The following AFF2 variants were observed in gnomAD, a reference collection of about 807,000 sequenced individuals.
AFF2 encodes the protein ALF transcription elongation factor 2.
A neutral mutation model predicts 76.9 loss-of-function variants in AFF2; 14 were observed. The observed-to-expected ratio is 0.18, with a 90% confidence interval of 0.12 to 0.28. The LOEUF (loss-of-function observed/expected upper bound fraction) is 0.28, where lower values mean the gene tolerates loss of function less well. Among genes scored for constraint, AFF2 ranks in the 10% least tolerant of loss-of-function variants. The pLI, the probability that AFF2 is intolerant of heterozygous loss-of-function variation, is 1.00. For synonymous variants in AFF2, 398 were observed against 366.7 expected (o/e 1.09, Z -0.98); for missense variants, 868 against 1,001.1 (o/e 0.87, Z 1.79).
intron 3 of AFF2, among the ~76,000 whole-genome samples, chrX:148,689,150 C>T (rs1470596866): frequency 8.9e-6 from 1 of 111,793 alleles, no homozygotes; most frequent in Non-Finnish European, 1.9e-5. Context: ...AGGTTGCCAT[C>T]TTCTTTCTGT....
At chrX:148,736,736 T>G (rs2055289396) in intron 3 of AFF2, among the ~76,000 whole-genome samples, 1 of 112,321 alleles carries the variant, frequency 8.9e-6, no homozygotes, top group African/African-American at 3.2e-5. Flanking sequence ...TCTAGAATTT[T>G]TATAGTTTCA....
intron 3 of AFF2, among the ~76,000 whole-genome samples, chrX:148,698,085 G>A: frequency 8.9e-6 from 1 of 112,205 alleles, no homozygotes; most frequent in African/African-American, 3.2e-5. Flanking sequence ...TGTGTCTAGA[G>A]TACACATGTC....
chrX:148,835,538 G>T (rs901102427), intron 4 of AFF2, among the ~76,000 whole-genome samples: 2 of 96,876 alleles, frequency 2.1e-5, no homozygotes, highest in Non-Finnish European at 4.0e-5. Context: ...AGGATGGAGT[G>T]CAGTGGCACA....
At chrX:148,964,345 G>A (rs1557288436) in intron 13 of AFF2, among the ~76,000 whole-genome samples, 1 of 112,295 alleles carries the variant, frequency 8.9e-6, no homozygotes, top group African/African-American at 3.2e-5. Context: ...CTGGCTGTAG[G>A]CATAAGGTAG....
chrX:148,637,041 T>C (rs2054038959), intron 1 of AFF2, among the ~76,000 whole-genome samples: 1 of 111,896 alleles, frequency 8.9e-6, no homozygotes, highest in African/African-American at 3.3e-5. Flanking sequence ...CTGTTTGTGA[T>C]GTTCATTAAA....
intron 14 of AFF2, 49 bp downstream of exon 14, chrX:148,967,128 G>T (rs182174606): frequency 7.6e-6 from 9 of 1,190,082 alleles, no homozygotes; most frequent in Admixed American, 2.2e-5. Context: ...TGAATGGGGG[G>T]TGGGGGTAGC....
At chrX:148,811,262 C>G (rs1286924752) in intron 4 of AFF2, among the ~76,000 whole-genome samples, 3 of 111,109 alleles carry the variant, frequency 2.7e-5, no homozygotes, top group Non-Finnish European at 5.7e-5. Context: ...CTCCCTACCC[C>G]CTCATCTGCG....
At chrX:148,920,077 TAC>T (rs1287342147) in intron 9 of AFF2, among the ~76,000 whole-genome samples, 1 of 112,424 alleles carries the variant, frequency 8.9e-6, no homozygotes, top group Non-Finnish European at 1.9e-5. Flanking sequence ...GCACAAATTC[TAC>T]AGTGTCCAGG....
At chrX:148,685,329 T>C (rs1180389784) in intron 3 of AFF2, among the ~76,000 whole-genome samples, 10 of 112,005 alleles carry the variant, frequency 8.9e-5, no homozygotes, top group African/African-American at 3.2e-4. Flanking sequence ...TTGTGCATTA[T>C]TTACACAAAA....
intron 1 of AFF2, among the ~76,000 whole-genome samples, chrX:148,625,245 G>T (rs1211696970): frequency 9.0e-6 from 1 of 111,178 alleles, no homozygotes; most frequent in Non-Finnish European, 1.9e-5. Flanking sequence ...TGACTTCTGG[G>T]CATTCAGCTG....
Position 148,996,436 on chromosome X carries a change from A to C in AFF2, c.*5104A>C, listed in dbSNP as rs189857586. ...TACCAACTGTGATGTCACTGAACAC[A>C]TGGTTGGAAAGAGATGCACGCAGTT... On this transcript the variant is annotated 3_prime_UTR_variant, in exon 21 of 21. Transcript: ENST00000370460. 8.9e-6 allele frequency: 1 copy of C among 112,778 alleles called. No homozygotes were observed. The highest frequency in any genetic ancestry group is 2.8e-4 in the East Asian group (1 of 3,592). 9.3% of individuals were successfully genotyped at this position (112,778 alleles called of 1,213,427 possible). A position where few individuals can be genotyped will look rare whatever the true frequency, so the allele number is the denominator to read the frequency against.
chrX:148,507,235 A>T (rs1489500772), intron 1 of AFF2, among the ~76,000 whole-genome samples: 1 of 112,389 alleles, frequency 8.9e-6, no homozygotes, highest in Non-Finnish European at 1.9e-5. Flanking sequence ...AGCCAGTCTG[A>T]TCTTTTTGCA....
chrX:148,670,927 C>T (rs1453833235), intron 3 of AFF2, among the ~76,000 whole-genome samples: 1 of 111,763 alleles, frequency 8.9e-6, no homozygotes, highest in African/African-American at 3.3e-5. Flanking sequence ...CCAGAGATAG[C>T]TCTCAAGGAT....
intron 8 of AFF2, among the ~76,000 whole-genome samples, chrX:148,889,945 C>G (rs1294617759): frequency 8.9e-6 from 1 of 111,982 alleles, no homozygotes; most frequent in Non-Finnish European, 1.9e-5. Flanking sequence ...TAAGTACTCA[C>G]CACTTTACGT....
intron 3 of AFF2, among the ~76,000 whole-genome samples, chrX:148,726,206 A>G (rs1400634239): frequency 8.9e-6 from 1 of 112,381 alleles, no homozygotes; most frequent in Non-Finnish European, 1.9e-5. Flanking sequence ...AGCTCTCACC[A>G]TAGCAACAAA....
chrX:148,994,928 C>A lies in AFF2; in HGVS notation c.*3596C>A, dbSNP rs1336352649. ...CAGGTGGGAGAACCAAACTGGATCA[C>A]TGGGTAAGACTACTCAGTAAAGCAA... On this transcript the variant is annotated 3_prime_UTR_variant, in exon 21 of 21. Coordinates refer to ENST00000370460, the MANE Select transcript of AFF2 (RefSeq NM_002025.4). 1 of 112,062 alleles carries A rather than the reference C, an allele frequency of 8.9e-6. No homozygotes were observed. Among genetic ancestry groups the A allele is most frequent in the Non-Finnish European group, 1.9e-5 (1 of 53,153 alleles). 9.2% of individuals were successfully genotyped at this position (112,062 alleles called of 1,213,427 possible). A position where few individuals can be genotyped will look rare whatever the true frequency, so the allele number is the denominator to read the frequency against.
chrX:148,585,466 G>A (rs1469118501), intron 1 of AFF2, among the ~76,000 whole-genome samples: 1 of 111,754 alleles, frequency 8.9e-6, no homozygotes, highest in African/African-American at 3.3e-5. Flanking sequence ...ACAGTGCTTG[G>A]CACAGAGTAT....
chrX:148,710,843 T>C (rs1325311878), intron 3 of AFF2, among the ~76,000 whole-genome samples: 2 of 111,753 alleles, frequency 1.8e-5, no homozygotes, highest in African/African-American at 6.5e-5. Context: ...TGTGAAATAG[T>C]ACCAGTTTCA....
intron 1 of AFF2, among the ~76,000 whole-genome samples, chrX:148,541,090 A>T (rs1260526787): frequency 8.9e-6 from 1 of 112,502 alleles, no homozygotes; most frequent in Non-Finnish European, 1.9e-5. Context: ...TGCAGATTTG[A>T]CATGATTGTG....
Sources: allele counts gnomAD v4.1 joint callset (sites outside exome capture counted in the v4.1 genomes callset), GRCh38; gene constraint gnomAD v4.1.1; transcripts MANE v1.5; gene names NCBI Gene and HGNC (gene_info 2026-07-23, HGNC 2026-07-21).